The following TLN2 variants were observed in gnomAD, a reference collection of about 807,000 sequenced individuals.
The protein encoded by TLN2 is talin-2.
TLN2 carries 118 observed loss-of-function variants against 294.7 expected under a neutral mutation model. That is an observed-to-expected ratio of 0.40 (90% CI 0.34 to 0.47). The LOEUF (loss-of-function observed/expected upper bound fraction) is 0.47. TLN2 is among the 20% of genes least tolerant of loss of function. TLN2 has a pLI of 0.84. For missense variants in TLN2, 3,083 were observed against 3,282.2 expected, an observed-to-expected ratio of 0.94 and a Z score of 1.48; for synonymous variants, 1,431 against 1,304.5, an observed-to-expected ratio of 1.10 and a Z score of -2.09.
At chr15:62,768,281 A>G (rs2047410) in intron 41 of TLN2, among the ~76,000 whole-genome samples, 149,590 of 152,302 alleles carry the variant, frequency 0.98, 73,513 homozygotes, top group Middle Eastern at 1. Context: ...TGCAGTCTAC[A>G]GAGACTGTAG....
intron 57 of TLN2, among the ~76,000 whole-genome samples, chr15:62,837,695 A>C (rs192434385): frequency 6.6e-6 from 1 of 152,298 alleles, no homozygotes; most frequent in East Asian, 1.9e-4. Context: ...AGGTTTCTTA[A>C]CCTTGGTTTC....
intron 45 of TLN2, among the ~76,000 whole-genome samples, chr15:62,791,842 G>A (rs994797130): frequency 6.6e-6 from 1 of 152,226 alleles, no homozygotes; most frequent in African/African-American, 2.4e-5. Context: ...CAGGGCCGGA[G>A]GAATGCAAAC....
intron 11 of TLN2, among the ~76,000 whole-genome samples, chr15:62,684,932 C>T (rs543863442): frequency 2.7e-5 from 4 of 150,356 alleles, no homozygotes; most frequent in Non-Finnish European, 5.9e-5. Flanking sequence ...TGTGTAGACA[C>T]ATCCACAAAT....
chr15:62,526,874 GAAAGTGAAGTACTAGCATTCACA>G (rs1398519033), intron 1 of TLN2, among the ~76,000 whole-genome samples: 3 of 152,150 alleles, frequency 2.0e-5, no homozygotes, highest in Non-Finnish European at 4.4e-5. Context: ...TGAATACTTG[GAAAGTGAAGTACTAGCATTCACA>G]AAAGTGAGGT....
At chr15:62,632,913 G>A (rs1301233827) in intron 3 of TLN2, among the ~76,000 whole-genome samples, 1 of 133,176 alleles carries the variant, frequency 7.5e-6, no homozygotes, top group Non-Finnish European at 1.6e-5. Context: ...GTAACCGAAA[G>A]TGGGCTTGTG....
chr15:62,492,738 T>G (rs1219644005), intron 1 of TLN2, among the ~76,000 whole-genome samples: 1 of 152,174 alleles, frequency 6.6e-6, no homozygotes, highest in Non-Finnish European at 1.5e-5. Flanking sequence ...ATAAGTAAGT[T>G]TTTATTTCCC....
intron 1 of TLN2, among the ~76,000 whole-genome samples, chr15:62,489,301 G>T (rs2038579240): frequency 6.6e-6 from 1 of 152,136 alleles, no homozygotes; most frequent in South Asian, 2.1e-4. Flanking sequence ...CATAATCTGT[G>T]AAAAACCAAA....
At chr15:62,476,418 G>T (rs2037786830) in intron 1 of TLN2, 1 of 152,220 alleles carries the variant, frequency 6.6e-6, no homozygotes, top group Admixed American at 6.5e-5. Flanking sequence ...TGAAGACCAT[G>T]AGTAATCTTC....
intron 11 of TLN2, among the ~76,000 whole-genome samples, chr15:62,680,025 C>T (rs1232010428): frequency 7.2e-5 from 11 of 152,284 alleles, no homozygotes; most frequent in Admixed American, 6.5e-4. Flanking sequence ...TTATTTTGTT[C>T]TTGTTCAAAT....
intron 34 of TLN2, among the ~76,000 whole-genome samples, chr15:62,750,753 A>G (rs930154017): frequency 6.6e-6 from 1 of 152,124 alleles, no homozygotes; most frequent in East Asian, 1.9e-4. Context: ...GAGATTCTAC[A>G]TTTCTGACTA....
intron 1 of TLN2, among the ~76,000 whole-genome samples, chr15:62,429,221 G>A (rs1361400873): frequency 6.6e-6 from 1 of 152,046 alleles, no homozygotes; most frequent in Non-Finnish European, 1.5e-5. Flanking sequence ...AGGAGAAGAT[G>A]CCTGGTAGCA....
At chr15:62,676,060 T>G (rs1336924564) in intron 11 of TLN2, among the ~76,000 whole-genome samples, 5 of 152,234 alleles carry the variant, frequency 3.3e-5, no homozygotes, top group Admixed American at 1.3e-4. Context: ...CTTCTTGTGT[T>G]GCTTTCTGCA....
intron 37 of TLN2, 89 bp from the exon 38 acceptor site, chr15:62,761,592 C>G: frequency 1.9e-6 from 3 of 1,569,850 alleles, no homozygotes; most frequent in South Asian, 1.1e-5. Flanking sequence ...CCGGTTGAAC[C>G]ACCTTCTTTC....
chr15:62,781,937 C>T (rs1395301140), intron 44 of TLN2, among the ~76,000 whole-genome samples: 2 of 152,156 alleles, frequency 1.3e-5, no homozygotes, highest in Admixed American at 6.5e-5. Context: ...ATATGTTAAG[C>T]AGTTATACGA....
At chr15:62,613,592 T>C (rs1238769050) in intron 2 of TLN2, among the ~76,000 whole-genome samples, 2 of 152,148 alleles carry the variant, frequency 1.3e-5, no homozygotes, top group East Asian at 1.9e-4. Context: ...AAGAGAAATA[T>C]ATAAGCTACA....
chr15:62,825,817 A>ATTATATAATATAATATATAAT (rs1491542725), intron 54 of TLN2, among the ~76,000 whole-genome samples: 1 of 22,254 alleles, frequency 4.5e-5, no homozygotes, highest in African/African-American at 2.0e-4. Context: ...ATTATATTAT[A>ATTATATAATATAATATATAAT]ATATATATTA....
chr15:62,712,726 G>A (rs544452659), intron 22 of TLN2, among the ~76,000 whole-genome samples: 4 of 130,836 alleles, frequency 3.1e-5, no homozygotes, highest in African/African-American at 1.3e-4. Context: ...GTAGGACTCA[G>A]TGTGTGTGTG....
At chr15:62,582,246 A>ACACACACACACACACACACCCCCCCC (rs764248336) in intron 1 of TLN2, among the ~76,000 whole-genome samples, 1 of 137,240 alleles carries the variant, frequency 7.3e-6, no homozygotes, top group East Asian at 2.3e-4. Context: ...ACACACACAC[A>ACACACACACACACACACACCCCCCCC]CATTCATGCC....
intron 52 of TLN2, among the ~76,000 whole-genome samples, chr15:62,815,847 T>A (rs565280144): frequency 1.2e-4 from 18 of 152,362 alleles, no homozygotes; most frequent in African/African-American, 4.3e-4. Flanking sequence ...AACATACCAA[T>A]AATAATACAT....
Sources: allele counts gnomAD v4.1 joint callset (sites outside exome capture counted in the v4.1 genomes callset), GRCh38; gene constraint gnomAD v4.1.1; transcripts MANE v1.5; gene names NCBI Gene and HGNC (gene_info 2026-07-23, HGNC 2026-07-21).